The following POM121C variants were observed in gnomAD, a reference collection of about 807,000 sequenced individuals.
POM121C encodes nuclear envelope pore membrane protein POM 121C.
In POM121C, 20 loss-of-function variants were observed where a neutral mutation model predicts 66.4. The observed-to-expected ratio is 0.30, with a 90% CI of 0.21 to 0.44. The LOEUF (loss-of-function observed/expected upper bound fraction) is 0.44. Among genes scored for constraint, POM121C ranks in the 20% least tolerant of loss-of-function variants. POM121C has a pLI of 1.00. For synonymous variants in POM121C, 286 were observed against 528.0 expected, an observed-to-expected ratio of 0.54 and a Z score of 6.28; for missense variants, 580 against 1,225.7, an observed-to-expected ratio of 0.47 and a Z score of 7.87.
At chr7:75,423,962 A>T in intron 12 of POM121C, 87 bp downstream of exon 12, 3 of 1,524,706 alleles carry the variant, frequency 2.0e-6, no homozygotes, top group Non-Finnish European at 2.7e-6. Context: ...AGCAATCTCC[A>T]GCGACTGACA....
intron 3 of POM121C, among the ~76,000 whole-genome samples, chr7:75,459,277 GGA>G (rs1170656427): frequency 6.6e-6 from 1 of 151,666 alleles, no homozygotes; most frequent in Non-Finnish European, 1.5e-5. Context: ...ATTCCCAGAA[GGA>G]GAGGAAAAAG....
At chr7:75,432,633 A>G (rs1790227672) in intron 7 of POM121C, among the ~76,000 whole-genome samples, 2 of 152,210 alleles carry the variant, frequency 1.3e-5, no homozygotes, top group African/African-American at 4.8e-5. Flanking sequence ...TTTTCTGTGT[A>G]TTATACTCTA....
At chr7:75,442,489 G>A (rs1190366006) in intron 3 of POM121C, 2 of 1,412,420 alleles carry the variant, frequency 1.4e-6, no homozygotes, top group African/African-American at 3.0e-5. Context: ...AGGACAAGGG[G>A]CGCGAACCTC....
At chr7:75,438,899 TTAAATA>T (rs1205257579) in intron 6 of POM121C, among the ~76,000 whole-genome samples, 1 of 152,258 alleles carries the variant, frequency 6.6e-6, no homozygotes, top group Admixed American at 6.5e-5. Context: ...TGCTTGGTTA[TTAAATA>T]TATTTATAAA....
intron 3 of POM121C, among the ~76,000 whole-genome samples, chr7:75,467,194 A>T (rs1466175816): frequency 1.3e-5 from 2 of 152,194 alleles, no homozygotes; most frequent in Admixed American, 1.3e-4. Flanking sequence ...TCATATGACG[A>T]CTGTAGAGAA....
chr7:75,462,095 G>A (rs1339199244), intron 3 of POM121C, among the ~76,000 whole-genome samples: 8 of 146,906 alleles, frequency 5.4e-5, no homozygotes, highest in Non-Finnish European at 1.0e-4. Context: ...TTGTCCCCAA[G>A]CACATCTCAT....
In POM121C at chr7:75,418,402, C is replaced by T; in HGVS notation, c.*394G>A. ...CCCATTTCCCAAATCCCATCAGGTG[C>T]ACACCACCGATCCAGGCGGGCTGGA... On this transcript the variant is annotated 3_prime_UTR_variant, in exon 15 of 15. Coordinates refer to ENST00000615331, the MANE Select transcript of POM121C (RefSeq NM_001099415.3). The T allele has an allele frequency of 9.9e-7, 1 of 1,012,444 alleles. No individual in the cohort carries two copies. The highest frequency in any genetic ancestry group is 1.2e-6 in the Non-Finnish European group (1 of 847,604). 62.7% of individuals were successfully genotyped at this position (1,012,444 alleles called of 1,614,324 possible).
intron 3 of POM121C, among the ~76,000 whole-genome samples, chr7:75,443,268 T>A (rs201773128): frequency 0.12 from 15,834 of 136,176 alleles, no homozygotes; most frequent in South Asian, 0.18. Context: ...GAAAGTAGAT[T>A]AGTGGTTGCC....
At chr7:75,443,422 A>G (rs1790735352) in intron 3 of POM121C, among the ~76,000 whole-genome samples, 2 of 152,366 alleles carry the variant, frequency 1.3e-5, no homozygotes, top group Admixed American at 6.5e-5. Flanking sequence ...TTTGTGAATT[A>G]TATCTTAATA....
chr7:75,428,007 G>A (rs1336813859), intron 7 of POM121C, among the ~76,000 whole-genome samples: 2 of 152,108 alleles, frequency 1.3e-5, no homozygotes, highest in Admixed American at 6.5e-5. Context: ...TGGGATTACA[G>A]GCATATAAAA....
chr7:75,420,620 A>G (rs1789666058), intron 13 of POM121C: 1 of 152,078 alleles, frequency 6.6e-6, no homozygotes, highest in South Asian at 2.1e-4. Flanking sequence ...TTTTTTATAC[A>G]CTTTATCCCG....
chr7:75,430,924 A>G lies in POM121C; in HGVS notation c.481-4471T>C, dbSNP rs587727124. 8.6e-5 allele frequency among the ~76,000 whole-genome samples: 13 copies of G among 151,918 alleles called. No homozygotes were observed. The South Asian group carries it at 2.7e-3, about 32-fold the overall frequency. On this transcript the variant is annotated intron_variant, in intron 7 of 14. Transcript: ENST00000615331. ...ACCCTGTCTTTACTAAAAATACAAAAAATTAGCTGGGTGTGGTGGCAGGTG... is the reference window on the plus strand; with the variant it reads ...ACCCTGTCTTTACTAAAAATACAAAGAATTAGCTGGGTGTGGTGGCAGGTG...
intron 7 of POM121C, among the ~76,000 whole-genome samples, chr7:75,426,936 T>C (rs1789965609): frequency 6.8e-6 from 1 of 147,640 alleles, no homozygotes; most frequent in African/African-American, 2.5e-5. Flanking sequence ...AGTAATGGAA[T>C]GTGAATAAAG....
chr7:75,435,248 T>C (rs1790358752), intron 7 of POM121C, among the ~76,000 whole-genome samples: 1 of 152,222 alleles, frequency 6.6e-6, no homozygotes, highest in African/African-American at 2.4e-5. Context: ...TGCTATGGAA[T>C]GACGTCAACT....
intron 7 of POM121C, among the ~76,000 whole-genome samples, chr7:75,434,584 T>C (rs1446176498): frequency 1.8e-3 from 3 of 1,698 alleles, no homozygotes; most frequent in Non-Finnish European, 3.9e-3. Context: ...TCAGCTAGCT[T>C]TTTTTTTTTT....
chr7:75,479,844 T>C (rs1487156605), intron 1 of POM121C, among the ~76,000 whole-genome samples: 1 of 152,120 alleles, frequency 6.6e-6, no homozygotes, highest in African/African-American at 2.4e-5. Flanking sequence ...CTATAAATTC[T>C]AACTCACTAA....
At chr7:75,481,027 A>G (rs28484773) in intron 1 of POM121C, among the ~76,000 whole-genome samples, 837 of 100,140 alleles carry the variant, frequency 8.4e-3, no homozygotes, top group Middle Eastern at 0.03. Context: ...AAATAGTTCA[A>G]AAAATATATA....
chr7:75,437,488 C>A (rs1193683837), intron 7 of POM121C, 27 bp downstream of exon 7: 1 of 1,587,866 alleles, frequency 6.3e-7, no homozygotes, highest in Admixed American at 1.7e-5. Flanking sequence ...ATTCATGCCC[C>A]CCACATTACA....
intron 3 of POM121C, among the ~76,000 whole-genome samples, chr7:75,449,458 G>C (rs1227523678): frequency 6.7e-6 from 1 of 149,596 alleles, no homozygotes; most frequent in Admixed American, 6.7e-5. Flanking sequence ...TCCACCTCCC[G>C]GGTTCATGCC....
Sources: allele counts gnomAD v4.1 joint callset (sites outside exome capture counted in the v4.1 genomes callset), GRCh38; gene constraint gnomAD v4.1.1; transcripts MANE v1.5; gene names NCBI Gene and HGNC (gene_info 2026-07-23, HGNC 2026-07-21).